SHROOM4: variants seen among roughly 807,000 people sequenced by gnomAD.
SHROOM4 encodes the protein protein Shroom4.
In SHROOM4, 17 loss-of-function variants were observed where a neutral mutation model predicts 80.3. The ratio of observed to expected loss-of-function variants is 0.21; its 90% CI spans 0.14 to 0.32. The LOEUF (loss-of-function observed/expected upper bound fraction) is 0.32. Ranked by LOEUF, SHROOM4 falls within the 10% of genes least tolerant of loss-of-function variation. The pLI is 1.00. For missense variants in SHROOM4, 993 were observed against 1,140.3 expected (o/e 0.87, Z 1.86); for synonymous variants, 400 against 437.5 (o/e 0.91, Z 1.07).
chrX:50,753,080 T>C (rs1275258471), intron 1 of SHROOM4, among the ~76,000 whole-genome samples: 1 of 111,845 alleles, frequency 8.9e-6, no homozygotes, highest in Non-Finnish European at 1.9e-5. Flanking sequence ...ATTCCCAGAC[T>C]ATTAGCTAGT....
At chrX:50,620,681 G>T (rs939771475) in intron 5 of SHROOM4, among the ~76,000 whole-genome samples, 4 of 111,480 alleles carry the variant, frequency 3.6e-5, no homozygotes, top group Non-Finnish European at 5.7e-5. Flanking sequence ...TCTATTTATT[G>T]ATTTTTTTAA....
chrX:50,639,844 C>G (rs1414653155), intron 2 of SHROOM4, among the ~76,000 whole-genome samples: 3 of 112,088 alleles, frequency 2.7e-5, no homozygotes, highest in Non-Finnish European at 1.9e-5. Context: ...AGGCCAGACA[C>G]AGACCAGGAG....
intron 1 of SHROOM4, among the ~76,000 whole-genome samples, chrX:50,707,814 G>A (rs1410896601): frequency 9.0e-6 from 1 of 111,252 alleles, no homozygotes; most frequent in Non-Finnish European, 1.9e-5. Flanking sequence ...TGCTTATAAA[G>A]AGAAGAGCTT....
At chrX:50,612,196 AC>A (rs1350408598) in intron 5 of SHROOM4, among the ~76,000 whole-genome samples, 1 of 110,518 alleles carries the variant, frequency 9.0e-6, no homozygotes, top group Non-Finnish European at 1.9e-5. Context: ...TAAAAAAAAA[AC>A]ACCCAAATGC....
At chrX:50,664,928 G>GAC (rs782486964) in intron 2 of SHROOM4, among the ~76,000 whole-genome samples, 5,069 of 100,777 alleles carry the variant, frequency 0.05, 233 homozygotes, top group African/African-American at 0.13. Flanking sequence ...ACACCACACA[G>GAC]ACACACACAC....
chrX:50,737,795 A>T (rs1416006406), intron 1 of SHROOM4, among the ~76,000 whole-genome samples: 1 of 112,036 alleles, frequency 8.9e-6, no homozygotes, highest in African/African-American at 3.2e-5. Flanking sequence ...TCCAATCAAT[A>T]GAAAAAGAGG....
chrX:50,759,494 C>T (rs1198628845), intron 1 of SHROOM4, among the ~76,000 whole-genome samples: 5 of 111,938 alleles, frequency 4.5e-5, no homozygotes, highest in African/African-American at 1.6e-4. Context: ...TTGATATTTT[C>T]AGACAACCAA....
intron 2 of SHROOM4, among the ~76,000 whole-genome samples, chrX:50,644,558 G>A (rs1469708674): frequency 8.9e-6 from 1 of 111,906 alleles, no homozygotes; most frequent in Non-Finnish European, 1.9e-5. Context: ...TAGAGTCAGG[G>A]TTTTCCTTTC....
chrX:50,794,716 G>T, intron 1 of SHROOM4, among the ~76,000 whole-genome samples: 1 of 107,150 alleles, frequency 9.3e-6, no homozygotes, highest in African/African-American at 3.4e-5. Flanking sequence ...TGTGTGGTGA[G>T]GTACCTACCT....
At chrX:50,599,837 A>G (rs187059204) in intron 7 of SHROOM4, among the ~76,000 whole-genome samples, 1 of 111,843 alleles carries the variant, frequency 8.9e-6, no homozygotes, top group Non-Finnish European at 1.9e-5. Flanking sequence ...TAAGTATTTT[A>G]GAATTAGAAC....
chrX:50,715,044 C>A (rs1317510391), intron 1 of SHROOM4, among the ~76,000 whole-genome samples: 1 of 111,935 alleles, frequency 8.9e-6, no homozygotes. Flanking sequence ...TTTCTATAGA[C>A]TCTACCCCTT....
chrX:50,625,613 C>T (rs2147273382), intron 5 of SHROOM4, among the ~76,000 whole-genome samples: 1 of 111,202 alleles, frequency 9.0e-6, no homozygotes, highest in African/African-American at 3.3e-5. Flanking sequence ...CCAAATATCA[C>T]ACCTATTTAT....
chrX:50,672,378 A>G (rs1451223522), intron 2 of SHROOM4, among the ~76,000 whole-genome samples: 3 of 112,243 alleles, frequency 2.7e-5, no homozygotes, highest in Non-Finnish European at 5.6e-5. Context: ...GCAAAGTGCA[A>G]TAAAGCAAAG....
At chrX:50,794,900 G>A (rs1399206497) in intron 1 of SHROOM4, among the ~76,000 whole-genome samples, 1 of 93,402 alleles carries the variant, frequency 1.1e-5, no homozygotes, top group Non-Finnish European at 2.0e-5. Flanking sequence ...GTGTATAAAT[G>A]TGTATATATA....
At chrX:50,647,326 T>G (rs1472484593) in intron 2 of SHROOM4, among the ~76,000 whole-genome samples, 1 of 111,617 alleles carries the variant, frequency 9.0e-6, no homozygotes, top group Admixed American at 9.5e-5. Flanking sequence ...AGAATCTGAA[T>G]AATGAAAGAG....
intron 6 of SHROOM4, 73 bp downstream of exon 6, chrX:50,607,307 TA>T: frequency 1.8e-6 from 2 of 1,121,087 alleles, no homozygotes; most frequent in Non-Finnish European, 2.4e-6. Flanking sequence ...ATCCAGTTAG[TA>T]AATAGTGGAG....
At chrX:50,738,429 C>T (rs782229614) in intron 1 of SHROOM4, among the ~76,000 whole-genome samples, 1 of 111,117 alleles carries the variant, frequency 9.0e-6, no homozygotes, top group African/African-American at 3.3e-5. Context: ...TTTAGAAAAC[C>T]CCATCGTCTC....
intron 5 of SHROOM4, among the ~76,000 whole-genome samples, chrX:50,620,565 C>T (rs1341359805): frequency 1.8e-5 from 2 of 112,152 alleles, no homozygotes; most frequent in Admixed American, 9.4e-5. Flanking sequence ...GAAACACATA[C>T]TCTTGTCACA....
intron 1 of SHROOM4, among the ~76,000 whole-genome samples, chrX:50,795,146 GATATATATATATATATATATGAT>G (rs1569549164): frequency 6.5e-4 from 2 of 3,066 alleles, no homozygotes; most frequent in South Asian, 0.038. Context: ...ATATATATAT[GATATATATATATATATATATGAT>G]ATATATATAT....
Sources: allele counts gnomAD v4.1 joint callset (sites outside exome capture counted in the v4.1 genomes callset), GRCh38; gene constraint gnomAD v4.1.1; transcripts MANE v1.5; gene names NCBI Gene and HGNC (gene_info 2026-07-23, HGNC 2026-07-21).